The following SSH2 variants were observed in gnomAD, a reference collection of about 807,000 sequenced individuals.
SSH2 encodes the protein protein phosphatase Slingshot homolog 2.
SSH2 carries 37 observed loss-of-function variants against 135.2 expected under a neutral mutation model. The ratio of observed to expected loss-of-function variants is 0.27; its 90% CI spans 0.21 to 0.36. The LOEUF (loss-of-function observed/expected upper bound fraction) is 0.36, where lower values mean the gene tolerates loss of function less well. Among genes scored for constraint, SSH2 ranks in the 10% least tolerant of loss-of-function variants. SSH2 has a pLI of 1.00. For missense variants in SSH2, 1,408 were observed against 1,765.3 expected, an observed-to-expected ratio of 0.80 and a Z score of 3.63; for synonymous variants, 628 against 646.2, an observed-to-expected ratio of 0.97 and a Z score of 0.43.
At chr17:29,725,174 C>T (rs1023979581) in intron 3 of SSH2, among the ~76,000 whole-genome samples, 2 of 151,062 alleles carry the variant, frequency 1.3e-5, no homozygotes, top group Non-Finnish European at 2.9e-5. Context: ...GGTGAAACCC[C>T]GTCTCTACTA....
intron 1 of SSH2, chr17:29,928,491 C>T (rs899500086): frequency 3.0e-5 from 12 of 398,416 alleles, no homozygotes; most frequent in African/African-American, 8.2e-5. Flanking sequence ...TGTGCACTCA[C>T]TATTTTGCAA....
intron 1 of SSH2, among the ~76,000 whole-genome samples, chr17:29,892,703 C>T (rs2066372733): frequency 6.6e-6 from 1 of 151,916 alleles, no homozygotes; most frequent in Non-Finnish European, 1.5e-5. Context: ...AAAAGAAGTT[C>T]CTAAGGGCAT....
chr17:29,708,918 T>C (rs1413127004), intron 3 of SSH2, among the ~76,000 whole-genome samples: 1 of 149,654 alleles, frequency 6.7e-6, no homozygotes, highest in East Asian at 2.0e-4. Flanking sequence ...AGAGTCTTTA[T>C]AACTTAAAAA....
intron 6 of SSH2, among the ~76,000 whole-genome samples, chr17:29,678,713 C>CTTTT (rs55889704): frequency 0.02 from 2,249 of 111,996 alleles, 129 homozygotes; most frequent in Middle Eastern, 0.023. Context: ...AATACTATTT[C>CTTTT]TTTTTTTTTT....
rs774614207 is a variant in SSH2, at chr17:29,632,481, G to A, written c.2713C>T (p.Arg905Trp). ...GCACCATGATGCTCTTGCTCCTGCC[G>A]TAAGCGCTCTTCGAACTCCAAGGTG... Reference protein sequence around the residue: ...RATLEFEERLRQEQEHHGAAP... With the variant: ...RATLEFEERLWQEQEHHGAAP... Residue 905 changes from arginine (R) to tryptophan (W), a missense_variant, in exon 16 of 16, where the codon CGG becomes TGG. Physicochemically the swap from Arg to Trp is moderately radical, Grantham distance 101. Transcript: ENST00000540801. The A allele has an allele frequency of 6.8e-6, 11 of 1,614,064 alleles. No individual in the cohort carries two copies. Among genetic ancestry groups the A allele is most frequent in the African/African-American group, 5.3e-5 (4 of 74,916 alleles).
chr17:29,845,120 A>G (rs1026669446), intron 2 of SSH2, among the ~76,000 whole-genome samples: 1 of 152,228 alleles, frequency 6.6e-6, no homozygotes, highest in Non-Finnish European at 1.5e-5. Context: ...AAAACTAACC[A>G]AAGTTCATAC....
chr17:29,739,898 CT>C (rs2040498869), intron 3 of SSH2, among the ~76,000 whole-genome samples: 1 of 152,154 alleles, frequency 6.6e-6, no homozygotes, highest in Admixed American at 6.5e-5. Flanking sequence ...AAATTGCATC[CT>C]TTAAAAAAGT....
chr17:29,868,492 G>A (rs1286651654), intron 1 of SSH2, among the ~76,000 whole-genome samples: 1 of 152,100 alleles, frequency 6.6e-6, no homozygotes, highest in Non-Finnish European at 1.5e-5. Flanking sequence ...AATCCTAGCA[G>A]TTTGGGAGGC....
chr17:29,820,069 T>C (rs2042626511), intron 2 of SSH2, among the ~76,000 whole-genome samples: 1 of 141,720 alleles, frequency 7.1e-6, no homozygotes, highest in Admixed American at 6.9e-5. Context: ...TCTTGCTCTT[T>C]GTTGTTTGCC....
At chr17:29,859,692 A>T (rs1391201080) in intron 1 of SSH2, among the ~76,000 whole-genome samples, 1 of 152,182 alleles carries the variant, frequency 6.6e-6, no homozygotes, top group Non-Finnish European at 1.5e-5. Flanking sequence ...CCAGTCTATC[A>T]TCGATGGGCA....
chr17:29,906,719 A>G (rs537690361), intron 1 of SSH2, among the ~76,000 whole-genome samples: 2 of 152,306 alleles, frequency 1.3e-5, no homozygotes, highest in African/African-American at 4.8e-5. Context: ...TAAACAGACA[A>G]TTCTCAAAAG....
At chr17:29,890,338 C>T (rs2066325142) in intron 1 of SSH2, among the ~76,000 whole-genome samples, 1 of 152,108 alleles carries the variant, frequency 6.6e-6, no homozygotes, top group South Asian at 2.1e-4. Flanking sequence ...AAACATATGT[C>T]CATACAGAAA....
At chr17:29,754,005 G>C (rs912234510) in intron 3 of SSH2, among the ~76,000 whole-genome samples, 2 of 152,136 alleles carry the variant, frequency 1.3e-5, no homozygotes, top group East Asian at 3.9e-4. Context: ...GACAAGAAAT[G>C]CTTGTTCTAG....
At chr17:29,686,515 C>T (rs1488911253) in intron 5 of SSH2, among the ~76,000 whole-genome samples, 1 of 151,180 alleles carries the variant, frequency 6.6e-6, no homozygotes, top group African/African-American at 2.4e-5. Flanking sequence ...GCACATGCTG[C>T]CACGCCCGGC....
chr17:29,749,441 T>C (rs2040861272), intron 3 of SSH2, among the ~76,000 whole-genome samples: 1 of 152,250 alleles, frequency 6.6e-6, no homozygotes, highest in Non-Finnish European at 1.5e-5. Context: ...AGCATGTTAC[T>C]ATACTGAATA....
At chr17:29,779,333 A>G (rs908821263) in intron 3 of SSH2, among the ~76,000 whole-genome samples, 1 of 152,210 alleles carries the variant, frequency 6.6e-6, no homozygotes, top group African/African-American at 2.4e-5. Flanking sequence ...AGTAGCTAGG[A>G]AAAGAGGCTT....
chr17:29,721,999 G>A (rs962795997), intron 3 of SSH2, among the ~76,000 whole-genome samples: 4 of 152,132 alleles, frequency 2.6e-5, no homozygotes, highest in East Asian at 1.9e-4. Context: ...TTGTAAGGCC[G>A]GATGCAGTGG....
intron 1 of SSH2, among the ~76,000 whole-genome samples, chr17:29,851,706 A>AAAT (rs2065563889): frequency 6.6e-6 from 1 of 151,926 alleles, no homozygotes; most frequent in African/African-American, 2.4e-5. Context: ...GACAAAAAAA[A>AAAT]AATAATAATA....
chr17:29,730,931 G>GA (rs966768561), intron 3 of SSH2, among the ~76,000 whole-genome samples: 6 of 152,174 alleles, frequency 3.9e-5, no homozygotes, highest in Admixed American at 1.3e-4. Flanking sequence ...CTCATCACTG[G>GA]AAGTTCAAAA....
Sources: allele counts gnomAD v4.1 joint callset (sites outside exome capture counted in the v4.1 genomes callset), GRCh38; gene constraint gnomAD v4.1.1; transcripts MANE v1.5; gene names NCBI Gene and HGNC (gene_info 2026-07-23, HGNC 2026-07-21).